Variants in CHD4 observed in about 807,000 individuals in gnomAD.
CHD4 encodes the protein chromodomain helicase DNA binding protein 4.
CHD4 carries 35 observed loss-of-function variants against 235.5 expected under a neutral mutation model. That is an observed-to-expected ratio of 0.15 (90% CI 0.11 to 0.20). CHD4 has a LOEUF of 0.20. Among genes scored for constraint, CHD4 ranks in the 10% least tolerant of loss-of-function variants. CHD4 has a pLI of 1.00. For missense variants in CHD4, 1,329 were observed against 2,432.3 expected (o/e 0.55, Z 9.54); for synonymous variants, 900 against 850.2 (o/e 1.06, Z -1.02).
At chr12:6,572,612 A>T (rs1348194826) in intron 38 of CHD4, among the ~76,000 whole-genome samples, 1 of 150,842 alleles carries the variant, frequency 6.6e-6, no homozygotes, top group Non-Finnish European at 1.5e-5. Context: ...TAGCCTGTGC[A>T]ATGGCACAAT....
rs771213563 is a variant in CHD4 at position 6,578,492 on chromosome 12, G to T, written c.5036C>A (p.Thr1679Asn). 2.5e-6 allele frequency: 4 copies of T among 1,613,608 alleles called. No homozygotes were observed. Among genetic ancestry groups the T allele is most frequent in the Non-Finnish European group, 3.4e-6 (4 of 1,179,930 alleles). The change falls in exon 35 of 40, where the codon ACC becomes AAC. Residue 1679 changes from threonine (T) to asparagine (N), a missense_variant. This residue lies in a region of CHD4 where 219 missense variants were observed against 219.3 expected (regional missense o/e 1.00). Coordinates refer to ENST00000544040, the MANE Select transcript of CHD4 (RefSeq NM_001273.5). ...KKEVMLQNGE[T>N]PKDLNDEKQK... is the part of the protein sequence containing the mutation. Reference sequence around the variant, plus strand: ...TTTCTCATCATTCAGGTCCTTGGGGGTCTCTCCATTCTGAAGCATCACCTC... The same window carrying T: ...TTTCTCATCATTCAGGTCCTTGGGGTTCTCTCCATTCTGAAGCATCACCTC...
intron 19 of CHD4, 132 bp from the exon 20 acceptor site, chr12:6,592,189 TACC>T: frequency 1.2e-5 from 15 of 1,264,348 alleles, no homozygotes; most frequent in Non-Finnish European, 1.7e-5. Flanking sequence ...GCACAAGCAC[TACC>T]ACCACCACCA....
chr12:6,577,351 C>T (rs980492201), intron 37 of CHD4, among the ~76,000 whole-genome samples: 1 of 147,588 alleles, frequency 6.8e-6, no homozygotes, highest in African/African-American at 2.5e-5. Flanking sequence ...AAACCCAGGA[C>T]ACAGAGGTTG....
At chr12:6,606,132 G>A (rs957640251) in intron 2 of CHD4, 142 bp downstream of exon 2, 8 of 587,972 alleles carry the variant, frequency 1.4e-5, no homozygotes, top group East Asian at 6.8e-5. Flanking sequence ...CTCCGCAGAA[G>A]GGAACCACTC....
Position 6,587,719 on chromosome 12 carries a change from A to G in CHD4, c.3696T>C (p.Thr1232=). Residue 1232 remains threonine, a synonymous_variant, in exon 24 of 40, where the codon ACT becomes ACC. Transcript: ENST00000544040. Reference sequence around the variant, plus strand: ...AGTTCCTGACTACCTCACCTCCATCAGTGGCTTCATCCTTGAATAGTTCCT... The same window carrying G: ...AGTTCCTGACTACCTCACCTCCATCGGTGGCTTCATCCTTGAATAGTTCCT... The part of the protein sequence containing the change: ...GTEELFKDEA[T]DGGGDNKEGE... The G allele has an allele frequency of 6.2e-7, 1 of 1,614,074 alleles. No individual in the cohort carries two copies. Among genetic ancestry groups the G allele is most frequent in the Non-Finnish European group, 8.5e-7 (1 of 1,179,936 alleles).
intron 23 of CHD4, 51 bp downstream of exon 23, chr12:6,588,247 C>CGA: frequency 6.3e-7 from 1 of 1,595,878 alleles, no homozygotes; most frequent in Non-Finnish European, 8.6e-7. Context: ...GCCACTATGC[C>CGA]TTTCTAGCAT....
At chr12:6,576,480 A>G (rs912578837) in intron 37 of CHD4, among the ~76,000 whole-genome samples, 4 of 152,130 alleles carry the variant, frequency 2.6e-5, no homozygotes, top group Non-Finnish European at 4.4e-5. Flanking sequence ...AGAACTGGCT[A>G]ATTTTTGTAT....
chr12:6,579,795 G>A (rs1188946434), intron 33 of CHD4, among the ~76,000 whole-genome samples: 1 of 148,504 alleles, frequency 6.7e-6, no homozygotes, highest in Non-Finnish European at 1.5e-5. Flanking sequence ...GGTGGCTCAC[G>A]CCTGTAATCC....
chr12:6,605,554 G>A lies in CHD4; in HGVS notation c.100+720C>T, dbSNP rs374584925. Among the ~76,000 whole-genome samples the A allele has an allele frequency of 9.9e-5, 15 of 152,248 alleles. No individual in the cohort carries two copies. The East Asian group carries it at 2.7e-3, about 27-fold the overall frequency. Reference sequence around the variant, plus strand: ...TTCACACTGCCAGCCTAAACCGCAGGCTACCTCATAGAGACAGAAGCCACT... The same window carrying A: ...TTCACACTGCCAGCCTAAACCGCAGACTACCTCATAGAGACAGAAGCCACT... On this transcript the variant is annotated intron_variant, in intron 2 of 39. Coordinates refer to ENST00000544040, the MANE Select transcript of CHD4 (RefSeq NM_001273.5).
intron 37 of CHD4, among the ~76,000 whole-genome samples, chr12:6,575,948 C>CA (rs1565600691): frequency 6.6e-6 from 1 of 152,062 alleles, no homozygotes; most frequent in East Asian, 1.9e-4. Flanking sequence ...CTGTTTCTAC[C>CA]AAAAAAATCT....
intron 22 of CHD4, among the ~76,000 whole-genome samples, chr12:6,588,754 G>A (rs1475835916): frequency 6.6e-6 from 1 of 151,772 alleles, no homozygotes; most frequent in Non-Finnish European, 1.5e-5. Context: ...CTTTAGCCTG[G>A]GCAACAGAGC....
At chr12:6,600,701 T>C (rs1435244690) in intron 7 of CHD4, 32 bp from the exon 8 acceptor site, 1 of 1,611,486 alleles carries the variant, frequency 6.2e-7, no homozygotes, top group Non-Finnish European at 8.5e-7. Flanking sequence ...AGGTTAGACG[T>C]TCAAGCCAAG....
At chr12:6,578,376 CT>C in intron 35 of CHD4, 32 bp downstream of exon 35, 2 of 1,605,964 alleles carry the variant, frequency 1.2e-6, no homozygotes, top group Non-Finnish European at 1.7e-6. Flanking sequence ...ACATCAGATC[CT>C]TCTAACCCTG....
At chr12:6,603,434 G>C (rs569448098) in intron 2 of CHD4, among the ~76,000 whole-genome samples, 149 of 152,198 alleles carry the variant, frequency 9.8e-4, no homozygotes, top group Non-Finnish European at 1.7e-3. Context: ...GAGAGAAGAA[G>C]GGAGTGCCTC....
rs144858755 is a variant in CHD4 at position 6,574,321 on chromosome 12, CAT to C, written c.5362-1054_5362-1053del. Among the ~76,000 whole-genome samples, 750 of 152,204 alleles carry C rather than the reference CAT, an allele frequency of 4.9e-3. 3 individuals carry two copies. Among genetic ancestry groups the C allele is most frequent in the African/African-American group, 0.017 (702 of 41,532 alleles). ...TGTTTAATGCCCCATGATATGAATACATGTTTCACCTATGCATTCTCCTAATG... is the reference window on the plus strand; with the variant it reads ...TGTTTAATGCCCCATGATATGAATACGTTTCACCTATGCATTCTCCTAATG... On this transcript the variant is annotated intron_variant, in intron 37 of 39. Coordinates refer to ENST00000544040, the MANE Select transcript of CHD4 (RefSeq NM_001273.5).
rs7310535 is a variant in CHD4, at chr12:6,598,463, C to T, written c.1483-38G>A. The stretch of plus-strand genomic sequence containing the variant: ...GAGACAACTTAATCTCAAATCATAA[C>T]CATGGGAGGAGAAGGGACAGCCCAC... On this transcript the variant is annotated intron_variant, in intron 10 of 39. Transcript: ENST00000544040. 7,222 of 1,508,864 alleles carry T rather than the reference C, an allele frequency of 4.8e-3. 248 individuals are homozygous for T. The African/African-American group carries it at 0.082, about 17-fold the overall frequency. 93.5% of individuals were successfully genotyped at this position (1,508,864 alleles called of 1,614,324 possible).
Position 6,601,389 on chromosome 12 carries a change from C to CGCT in CHD4, c.696_698dup (p.Ala233dup), listed in dbSNP as rs1565618509. Reference sequence around the variant, plus strand: ...TCACCATGCTCTCCACCACAGCTACCGCTGCTGCTGCCGCAGCTGCCACTG... The same window carrying CGCT: ...TCACCATGCTCTCCACCACAGCTACCGCTGCTGCTGCTGCCGCAGCTGCCACTG... On this transcript the variant is annotated inframe_insertion, in exon 6 of 40. Coordinates refer to ENST00000544040, the MANE Select transcript of CHD4 (RefSeq NM_001273.5). The CGCT allele has an allele frequency of 3.7e-6, 6 of 1,613,984 alleles. No homozygotes were observed. The highest frequency in any genetic ancestry group is 1.1e-5 in the South Asian group (1 of 91,094).
chr12:6,604,467 G>A (rs1021992878), intron 2 of CHD4, among the ~76,000 whole-genome samples: 1 of 152,026 alleles, frequency 6.6e-6, no homozygotes, highest in Non-Finnish European at 1.5e-5. Flanking sequence ...CCAGGCACAA[G>A]AACGCCCCTC....
chr12:6,593,848 T>C lies in CHD4; in HGVS notation c.2314-232A>G, dbSNP rs1772730754. Among the ~76,000 whole-genome samples the C allele has an allele frequency of 1.3e-5, 2 of 152,198 alleles. No individual in the cohort carries two copies. The highest frequency in any genetic ancestry group is 2.9e-5 in the Non-Finnish European group (2 of 68,036). The stretch of plus-strand genomic sequence containing the variant: ...TCCCATTAAGTCTTTATATACTTTT[T>C]TTCTGAGACGGAGTTTCACTCTTGT... On this transcript the variant is annotated intron_variant, in intron 15 of 39. Coordinates refer to ENST00000544040, the MANE Select transcript of CHD4 (RefSeq NM_001273.5). The surrounding 1 kb of genome is among the most constrained non-coding windows in gnomAD (Gnocchi z 4.9).
Sources: gnomAD v4.1 joint callset for allele counts (sites outside exome capture counted in the v4.1 genomes callset) on GRCh38, gnomAD v4.1.1 for gene constraint, gnomAD v4.1.1 regional missense constraint, Gnocchi (gnomAD v3.1) non-coding constraint, MANE v1.5 for transcripts, NCBI Gene and HGNC (gene_info 2026-07-23, HGNC 2026-07-21) for gene names.